The following ZHX3 variants were observed in gnomAD, a reference collection of about 807,000 sequenced individuals.
ZHX3 encodes zinc fingers and homeoboxes protein 3.
Under a neutral mutation model 64.5 loss-of-function variants are expected in ZHX3, and 20 were observed. That is an observed-to-expected ratio of 0.31 (90% CI 0.22 to 0.45). ZHX3 has a LOEUF of 0.45. Among genes scored for constraint, ZHX3 ranks in the 20% least tolerant of loss-of-function variants. ZHX3 has a pLI of 1.00. For synonymous variants in ZHX3, 423 were observed against 461.6 expected, an observed-to-expected ratio of 0.92 and a Z score of 1.07; for missense variants, 1,041 against 1,195.8, an observed-to-expected ratio of 0.87 and a Z score of 1.91.
At chr20:41,198,151 C>A (rs1258655089) in intron 3 of ZHX3, among the ~76,000 whole-genome samples, 1 of 151,936 alleles carries the variant, frequency 6.6e-6, no homozygotes, top group Non-Finnish European at 1.5e-5. Context: ...ATTAGCACCA[C>A]CAGGCCCAGC....
intron 2 of ZHX3, among the ~76,000 whole-genome samples, chr20:41,248,354 T>C (rs929075398): frequency 3.3e-5 from 5 of 152,200 alleles, no homozygotes; most frequent in Admixed American, 6.5e-5. Flanking sequence ...CCATTATTAA[T>C]GTCTTCTCTG....
chr20:41,266,805 A>C (rs2042878146), intron 2 of ZHX3, among the ~76,000 whole-genome samples: 1 of 147,288 alleles, frequency 6.8e-6, no homozygotes, highest in South Asian at 2.2e-4. Flanking sequence ...TCGGCCTCCC[A>C]AAGTGCTAGG....
At chr20:41,264,385 CA>C (rs1165922837) in intron 2 of ZHX3, among the ~76,000 whole-genome samples, 204 of 74,462 alleles carry the variant, frequency 2.7e-3, no homozygotes, top group African/African-American at 6.2e-3. Flanking sequence ...ACCAAAAATA[CA>C]AAAAAAAAAA....
intron 1 of ZHX3, among the ~76,000 whole-genome samples, chr20:41,277,658 C>T (rs977706983): frequency 6.6e-6 from 1 of 150,782 alleles, no homozygotes; most frequent in African/African-American, 2.4e-5. Flanking sequence ...GTGGTGTGAT[C>T]TCCGCTCACT....
At position 41,232,844 on chromosome 20, in the gene ZHX3, C is replaced by G. The variant is rs569184634; in HGVS notation, c.-150-27778G>C. ...TCGTGATCCCCCCGCCTCGGCCTCC[C>G]AAAGTGCTGGGATTACAGGCATGAG... On this transcript the variant is annotated intron_variant, in intron 2 of 3. Coordinates refer to ENST00000683867, the MANE Select transcript of ZHX3 (RefSeq NM_001384317.1). This position sits in a 1 kb window ranked among gnomAD's most constrained non-coding sequence, Gnocchi z 5.0. Among the ~76,000 whole-genome samples, 6 of 152,306 alleles carry G rather than the reference C, an allele frequency of 3.9e-5. No individual in the cohort carries two copies. The South Asian group carries it at 1.2e-3, about 32-fold the overall frequency.
intron 3 of ZHX3, among the ~76,000 whole-genome samples, chr20:41,192,691 C>T (rs1225922940): frequency 6.6e-6 from 1 of 152,250 alleles, no homozygotes; most frequent in Non-Finnish European, 1.5e-5. Context: ...TACACCTCAG[C>T]CCTGGCACTC....
chr20:41,291,273 CAG>C (rs1231469220), intron 1 of ZHX3, among the ~76,000 whole-genome samples: 8 of 152,078 alleles, frequency 5.3e-5, no homozygotes, highest in Non-Finnish European at 8.8e-5. Context: ...GATCAGAGAA[CAG>C]AAGTCACAAC....
intron 1 of ZHX3, 99 bp from the exon 2 acceptor site, chr20:41,269,182 G>T (rs1243448621): frequency 1.3e-5 from 2 of 152,022 alleles, no homozygotes; most frequent in Non-Finnish European, 2.9e-5. Context: ...ATTCGCACTA[G>T]AACTATACAT....
In ZHX3 at chr20:41,182,907, T is replaced by C. The variant is rs1363521465; in HGVS notation, c.*2284A>G. 2.0e-5 allele frequency: 3 copies of C among 152,274 alleles called. No homozygotes were observed. The highest frequency in any genetic ancestry group is 7.2e-5 in the African/African-American group (3 of 41,450). The allele number at this position is 152,274 out of a possible 1,614,324, so 9.4% of individuals were successfully genotyped here. Reference sequence around the variant, plus strand: ...GTTGTAAATTAACCGTGAATACAAGTAACCAAGAAAATCCTCTCCACAGAC... The same window carrying C: ...GTTGTAAATTAACCGTGAATACAAGCAACCAAGAAAATCCTCTCCACAGAC... On this transcript the variant is annotated 3_prime_UTR_variant, in exon 4 of 4. Coordinates refer to ENST00000683867, the MANE Select transcript of ZHX3 (RefSeq NM_001384317.1). The surrounding 1 kb of genome is among the most constrained non-coding windows in gnomAD (Gnocchi z 6.1).
Position 41,203,449 on chromosome 20 carries a change from C to T in ZHX3, c.1468G>A (p.Ala490Thr), listed in dbSNP as rs1195199570. 6.2e-7 allele frequency: 1 copy of T among 1,614,202 alleles called. No homozygotes were observed. Among genetic ancestry groups the T allele is most frequent in the Non-Finnish European group, 8.5e-7 (1 of 1,180,040 alleles). Residue 490 changes from alanine to threonine, a missense_variant, in exon 3 of 4, where the codon GCC becomes ACC. Ala to Thr is a moderately conservative substitution (Grantham distance 58, BLOSUM62 0). This residue lies in a region of ZHX3 where 649 missense variants were observed against 739.8 expected (regional missense o/e 0.88). Coordinates refer to ENST00000683867, the MANE Select transcript of ZHX3 (RefSeq NM_001384317.1). The surrounding 1 kb of genome is among the most constrained non-coding windows in gnomAD (Gnocchi z 7.1). ...LTACPSITSQAFLDASIYKNK... is the reference protein window; with the variant it reads ...LTACPSITSQTFLDASIYKNK... ...TTGTAGATGCTAGCATCAAGGAAGG[C>T]TTGGGAGGTTATGCTGGGGCAGGCC... is the stretch of plus-strand genomic sequence containing the variant.
At chr20:41,309,738 G>C (rs2045076004) in intron 1 of ZHX3, among the ~76,000 whole-genome samples, 1 of 152,124 alleles carries the variant, frequency 6.6e-6, no homozygotes, top group South Asian at 2.1e-4. Flanking sequence ...ATTTGCTGAA[G>C]ATTCGGCCCA....
chr20:41,314,786 C>T (rs528565833), intron 1 of ZHX3, among the ~76,000 whole-genome samples: 4 of 152,278 alleles, frequency 2.6e-5, no homozygotes, highest in Admixed American at 2.0e-4. Flanking sequence ...ACACAGCTAC[C>T]TAGAAGCCTA....
intron 2 of ZHX3, among the ~76,000 whole-genome samples, chr20:41,238,199 T>C (rs2041139896): frequency 6.6e-6 from 1 of 152,236 alleles, no homozygotes; most frequent in South Asian, 2.1e-4. Context: ...ATTAAAGCAC[T>C]CAATACCCAT....
At position 41,275,164 on chromosome 20, in the gene ZHX3, A is replaced by G. The variant is rs532021956; in HGVS notation, c.-244-6081T>C. Reference sequence around the variant, plus strand: ...CAAGAGTGAAACTCCGTCTCAAAAAAAAAGAAAAGAAATAATCAAACTGTT... The same window carrying G: ...CAAGAGTGAAACTCCGTCTCAAAAAGAAAGAAAAGAAATAATCAAACTGTT... On this transcript the variant is annotated intron_variant, in intron 1 of 3. Transcript: ENST00000683867. Among the ~76,000 whole-genome samples the G allele has an allele frequency of 3.9e-5, 6 of 152,326 alleles. No homozygotes were observed. In the South Asian group the frequency reaches 1.2e-3, roughly 32 times the overall value.
intron 2 of ZHX3, among the ~76,000 whole-genome samples, chr20:41,231,587 C>T (rs2040610796): frequency 6.6e-6 from 1 of 152,152 alleles, no homozygotes; most frequent in Non-Finnish European, 1.5e-5. Flanking sequence ...GGCTGACTTT[C>T]TCTCCAGATT....
At chr20:41,227,986 T>C (rs550038351) in intron 2 of ZHX3, among the ~76,000 whole-genome samples, 21 of 152,312 alleles carry the variant, frequency 1.4e-4, no homozygotes, top group African/African-American at 5.1e-4. Context: ...CATCAATCTT[T>C]GGTGCATTGC....
At position 41,184,854 on chromosome 20, in the gene ZHX3, A is replaced by G. The variant is rs913167507; in HGVS notation, c.*337T>C. The G allele has an allele frequency of 1.6e-5, 24 of 1,465,300 alleles. No individual in the cohort carries two copies. The highest frequency in any genetic ancestry group is 2.2e-5 in the Non-Finnish European group (24 of 1,104,490). The allele number at this position is 1,465,300 out of a possible 1,614,324, so 90.8% of individuals were successfully genotyped here. On this transcript the variant is annotated 3_prime_UTR_variant, in exon 4 of 4. Transcript: ENST00000683867. Reference sequence around the variant, plus strand: ...TTGATAATCTGATGTTTTATTTAACATATAGAGGTGGATGTATATGTTAAA... The same window carrying G: ...TTGATAATCTGATGTTTTATTTAACGTATAGAGGTGGATGTATATGTTAAA...
At chr20:41,191,933 A>G (rs2037055584) in intron 3 of ZHX3, among the ~76,000 whole-genome samples, 1 of 152,174 alleles carries the variant, frequency 6.6e-6, no homozygotes, top group South Asian at 2.1e-4. Context: ...GGAGCATACA[A>G]TGGCACCAGT....
rs531523155 is a variant in ZHX3, at chr20:41,235,223, C to T, written c.-150-30157G>A. Reference sequence around the variant, plus strand: ...CAACAAAACAAACAAACAAAAAAACCGGCTGTGTATAGCTAAAAAACATGG... The same window carrying T: ...CAACAAAACAAACAAACAAAAAAACTGGCTGTGTATAGCTAAAAAACATGG... On this transcript the variant is annotated intron_variant, in intron 2 of 3. Coordinates refer to ENST00000683867, the MANE Select transcript of ZHX3 (RefSeq NM_001384317.1). 4.6e-5 allele frequency among the ~76,000 whole-genome samples: 7 copies of T among 151,958 alleles called. No homozygotes were observed. In the East Asian group the frequency reaches 5.8e-4, roughly 13 times the overall value.
Sources: allele counts gnomAD v4.1 joint callset (sites outside exome capture counted in the v4.1 genomes callset), GRCh38; gene constraint gnomAD v4.1.1; regional missense constraint gnomAD v4.1.1; non-coding constraint Gnocchi (gnomAD v3.1); transcripts MANE v1.5; gene names NCBI Gene and HGNC (gene_info 2026-07-23, HGNC 2026-07-21).